PAM: variants seen among roughly 807,000 people sequenced by gnomAD.
The protein encoded by PAM is peptidylglycine alpha-amidating monooxygenase, also known as peptidyl-glycine alpha-amidating monooxygenase.
PAM carries 72 observed loss-of-function variants against 122.1 expected under a neutral mutation model. The ratio of observed to expected loss-of-function variants is 0.59; its 90% CI spans 0.49 to 0.72. PAM has a LOEUF of 0.72. PAM is among the 30% of genes least tolerant of loss of function. PAM has a pLI of 0.00. For synonymous variants in PAM, 389 were observed against 404.4 expected, an observed-to-expected ratio of 0.96 and a Z score of 0.46; for missense variants, 1,106 against 1,183.7, an observed-to-expected ratio of 0.93 and a Z score of 0.96.
intron 7 of PAM, among the ~76,000 whole-genome samples, chr5:102,934,022 C>T (rs1385067953): frequency 6.6e-6 from 1 of 152,194 alleles, no homozygotes; most frequent in African/African-American, 2.4e-5. Context: ...CAGTGAGATA[C>T]ATTAATCCTG....
chr5:102,908,972 A>C (rs1380406256), intron 4 of PAM, among the ~76,000 whole-genome samples: 1 of 151,864 alleles, frequency 6.6e-6, no homozygotes, highest in East Asian at 1.9e-4. Flanking sequence ...GATTGATCCT[A>C]AACTTAAATT....
chr5:102,770,120 T>A (rs562781515), intron 1 of PAM, among the ~76,000 whole-genome samples: 141 of 152,256 alleles, frequency 9.3e-4, no homozygotes, highest in African/African-American at 3.1e-3. Context: ...GTGGCTTTTT[T>A]AATAGGATTT....
intron 3 of PAM, among the ~76,000 whole-genome samples, chr5:102,884,217 G>T (rs1792248076): frequency 6.6e-6 from 1 of 151,604 alleles, no homozygotes; most frequent in African/African-American, 2.4e-5. Context: ...TCATTGAGAA[G>T]ATCATCTATT....
chr5:102,896,181 A>G (rs1291607698), intron 3 of PAM, among the ~76,000 whole-genome samples: 2 of 151,706 alleles, frequency 1.3e-5, no homozygotes, highest in Non-Finnish European at 3.0e-5. Flanking sequence ...TTCCCTCACC[A>G]AAATATTTTT....
chr5:102,836,864 G>C (rs1363599671), intron 1 of PAM, among the ~76,000 whole-genome samples: 1 of 141,752 alleles, frequency 7.1e-6, no homozygotes, highest in Non-Finnish European at 1.5e-5. Context: ...GAAACCGAGA[G>C]AGAGAGAGAG....
At chr5:102,805,893 C>G (rs1289023090) in intron 1 of PAM, among the ~76,000 whole-genome samples, 1 of 152,216 alleles carries the variant, frequency 6.6e-6, no homozygotes, top group African/African-American at 2.4e-5. Context: ...GCCTCTCTAA[C>G]AGGCCACATA....
intron 1 of PAM, among the ~76,000 whole-genome samples, chr5:102,801,926 C>A (rs933320117): frequency 2.0e-5 from 3 of 150,478 alleles, no homozygotes; most frequent in African/African-American, 4.9e-5. Context: ...CTACAGGCGC[C>A]CGCCACCACG....
At chr5:102,927,230 G>A (rs528290567) in intron 7 of PAM, among the ~76,000 whole-genome samples, 2 of 152,156 alleles carry the variant, frequency 1.3e-5, no homozygotes, top group South Asian at 2.1e-4. Context: ...ACCAGTGATC[G>A]CTATGCACTT....
intron 1 of PAM, among the ~76,000 whole-genome samples, chr5:102,789,440 G>T (rs1761467396): frequency 6.6e-6 from 1 of 152,120 alleles, no homozygotes; most frequent in South Asian, 2.1e-4. Context: ...TGCATATGAT[G>T]TAATATCATT....
intron 16 of PAM, among the ~76,000 whole-genome samples, chr5:102,991,558 G>A (rs1774083894): frequency 2.0e-5 from 3 of 151,984 alleles, no homozygotes; most frequent in South Asian, 4.1e-4. Context: ...GTTAAACCTG[G>A]TTCTGTCACG....
At chr5:102,769,594 A>G (rs981391794) in intron 1 of PAM, among the ~76,000 whole-genome samples, 3 of 152,126 alleles carry the variant, frequency 2.0e-5, no homozygotes, top group Non-Finnish European at 2.9e-5. Context: ...TCCCAGCACC[A>G]TTTATTAAAG....
chr5:102,757,128 C>T lies in PAM; in HGVS notation c.-374+1780C>T, dbSNP rs557702809. On this transcript the variant is annotated intron_variant, in intron 1 of 25. Transcript: ENST00000438793. ...AAATCACAAGGTCAGAAGTTCCGTA[C>T]CAGCCTGGCCGACATGGTGAAATCC... 5.3e-5 allele frequency among the ~76,000 whole-genome samples: 8 copies of T among 152,248 alleles called. No homozygotes were observed. In the East Asian group the frequency reaches 1.5e-3, roughly 29 times the overall value.
At chr5:102,786,769 T>TAGTC (rs1428557657) in intron 1 of PAM, among the ~76,000 whole-genome samples, 1 of 152,170 alleles carries the variant, frequency 6.6e-6, no homozygotes, top group Non-Finnish European at 1.5e-5. Flanking sequence ...ATTCTGAGCA[T>TAGTC]AGTCAGTAGC....
intron 1 of PAM, among the ~76,000 whole-genome samples, chr5:102,839,774 A>G (rs1778094951): frequency 6.6e-6 from 1 of 152,182 alleles, no homozygotes; most frequent in South Asian, 2.1e-4. Context: ...TAATAGATTA[A>G]AAGAGAAAAA....
At chr5:102,794,225 G>T (rs1226778595) in intron 1 of PAM, among the ~76,000 whole-genome samples, 1 of 152,184 alleles carries the variant, frequency 6.6e-6, no homozygotes, top group Non-Finnish European at 1.5e-5. Flanking sequence ...GGATAACAAG[G>T]TCCCACTGAG....
chr5:103,023,505 C>CA (rs55641270), intron 23 of PAM, among the ~76,000 whole-genome samples: 7,781 of 115,822 alleles, frequency 0.067, 272 homozygotes, highest in Admixed American at 0.11. Flanking sequence ...CTATAGCAAC[C>CA]AAAAAAAAAA....
At chr5:102,866,640 A>C (rs914378423) in intron 2 of PAM, 7 of 228,186 alleles carry the variant, frequency 3.1e-5, no homozygotes, top group African/African-American at 1.6e-4. Context: ...GGAGAAGCAG[A>C]TCATAGACTG....
intron 20 of PAM, among the ~76,000 whole-genome samples, chr5:103,009,298 T>A (rs1779948573): frequency 6.6e-6 from 1 of 152,222 alleles, no homozygotes; most frequent in African/African-American, 2.4e-5. Flanking sequence ...CTATATAGAC[T>A]GTAACTTCAC....
intron 1 of PAM, among the ~76,000 whole-genome samples, chr5:102,823,899 G>T (rs901403323): frequency 2.2e-4 from 34 of 152,140 alleles, no homozygotes; most frequent in African/African-American, 7.0e-4. Flanking sequence ...CCCTGACCAT[G>T]AAAAAGATAC....
Sources: gnomAD v4.1 joint callset for allele counts (sites outside exome capture counted in the v4.1 genomes callset) on GRCh38, gnomAD v4.1.1 for gene constraint, MANE v1.5 for transcripts, NCBI Gene and HGNC (gene_info 2026-07-23, HGNC 2026-07-21) for gene names.